UCKL1: variants seen among roughly 807,000 people sequenced by gnomAD.
UCKL1 encodes the protein uridine-cytidine kinase 1 like 1.
Under a neutral mutation model 59.2 loss-of-function variants are expected in UCKL1, and 65 were observed. The observed-to-expected ratio is 1.10, with a 90% CI of 0.90 to 1.35. The LOEUF is 1.35. Among genes scored for constraint, UCKL1 ranks in the 40% most tolerant of loss-of-function variants. The pLI is 0.00. For missense variants in UCKL1, 703 were observed against 784.3 expected (o/e 0.90, Z 1.24); for synonymous variants, 410 against 323.1 (o/e 1.27, Z -2.88).
At chr20:63,948,572 GGAGGGGA>G (rs2056896673) in intron 1 of UCKL1, 3 of 114,018 alleles carry the variant, frequency 2.6e-5, no homozygotes, top group Admixed American at 8.3e-5. Flanking sequence ...TGTGTGAGAG[GGAGGGGA>G]TGTGTGTGAG....
chr20:63,948,652 GA>G (rs2057020039), intron 1 of UCKL1, among the ~76,000 whole-genome samples: 1 of 82,424 alleles, frequency 1.2e-5, no homozygotes. Context: ...GTGTGAGAGG[GA>G]GGGGCGTGTG....
intron 1 of UCKL1, among the ~76,000 whole-genome samples, chr20:63,949,766 T>C (rs2146667323): frequency 6.6e-6 from 1 of 152,258 alleles, no homozygotes; most frequent in East Asian, 1.9e-4. Flanking sequence ...CCCGACACAA[T>C]CTGACTTGCA....
intron 3 of UCKL1, 46 bp from the exon 4 acceptor site, chr20:63,946,021 C>T (rs2056086877): frequency 2.5e-6 from 4 of 1,611,800 alleles, no homozygotes; most frequent in African/African-American, 1.3e-5. Flanking sequence ...GTAGGGCCCT[C>T]ACCCAATGCC....
chr20:63,940,384 C>T lies in UCKL1; in HGVS notation c.1404G>A (p.Val468=), dbSNP rs1302592260. The change falls in exon 13 of 15, where the codon GTG becomes GTA. Residue 468 remains valine (V), a synonymous_variant. Coordinates refer to ENST00000354216, the MANE Select transcript of UCKL1 (RefSeq NM_017859.4). ...TGAAAMMAVR[V]LLDHDVPEDK... is the part of the protein sequence containing the mutation. The stretch of plus-strand genomic sequence containing the variant: ...CTACCCAGGGCTCACTCACCAGGAG[C>T]ACGCGCACTGCCATCATGGCCGCCG... 1.2e-6 allele frequency: 2 copies of T among 1,611,840 alleles called. No homozygotes were observed. The highest frequency in any genetic ancestry group is 1.7e-4 in the Middle Eastern group (1 of 6,058).
In UCKL1 at chr20:63,940,022, G is replaced by C; in HGVS notation, c.1601C>G (p.Ala534Gly). The change falls in exon 15 of 15, where the codon GCG becomes GGG. Residue 534 changes from alanine (A) to glycine (G), a missense_variant. Coordinates refer to ENST00000354216, the MANE Select transcript of UCKL1 (RefSeq NM_017859.4). The stretch of plus-strand genomic sequence containing the variant: ...CTCCTCGTCACTGCCATCGGGGACC[G>C]CGTCTGTCCCAAAGTAGCGGTCGCC... The part of the protein sequence containing the change: ...NFGDRYFGTD[A>G]VPDGSDEEEV... The C allele has an allele frequency of 6.6e-7, 1 of 1,505,786 alleles. No individual in the cohort carries two copies. Among genetic ancestry groups the C allele is most frequent in the Non-Finnish European group, 9.0e-7 (1 of 1,117,296 alleles). 93.3% of individuals were successfully genotyped at this position (1,505,786 alleles called of 1,614,324 possible). A position where few individuals can be genotyped will look rare whatever the true frequency, so the allele number is the denominator to read the frequency against.
chr20:63,951,153 C>T (rs1268546557), intron 1 of UCKL1: 2 of 1,062,856 alleles, frequency 1.9e-6, no homozygotes, highest in Admixed American at 5.3e-5. Flanking sequence ...CTGCCGTCCT[C>T]AGAGGCCAAG....
intron 1 of UCKL1, chr20:63,951,281 C>CACACACAGGAGGGGGCAGTTCA: frequency 2.3e-6 from 2 of 863,242 alleles, no homozygotes; most frequent in Non-Finnish European, 2.8e-6. Context: ...GTGAACTGCC[C>CACACACAGGAGGGGGCAGTTCA]CCTCCTGTGT....
chr20:63,948,995 C>T (rs2057125911), intron 1 of UCKL1, among the ~76,000 whole-genome samples: 1 of 152,092 alleles, frequency 6.6e-6, no homozygotes, highest in African/African-American at 2.4e-5. Flanking sequence ...GGGAGCCCAG[C>T]CCGACACGTG....
rs1406623500 is a variant in UCKL1 at position 63,940,583 on chromosome 20, C to T, written c.1302+11G>A. 1 of 1,606,770 alleles carries T rather than the reference C, an allele frequency of 6.2e-7. No homozygotes were observed. The highest frequency in any genetic ancestry group is 8.5e-7 in the Non-Finnish European group (1 of 1,179,492). ...ACCCCCGGGCTCATCACCCCGGCTG[C>T]CCCCAGGCACCTCGGGCTCCCCGGT... On this transcript the variant is annotated intron_variant, in intron 12 of 14. Coordinates refer to ENST00000354216, the MANE Select transcript of UCKL1 (RefSeq NM_017859.4).
chr20:63,949,276 G>A (rs1002852368), intron 1 of UCKL1, among the ~76,000 whole-genome samples: 2 of 152,160 alleles, frequency 1.3e-5, no homozygotes, highest in African/African-American at 2.4e-5. Flanking sequence ...GCGCCAAGAC[G>A]ACCAGGCGAG....
At chr20:63,946,722 G>A (rs908076036) in intron 1 of UCKL1, 79 bp from the exon 2 acceptor site, 100 of 1,297,864 alleles carry the variant, frequency 7.7e-5, no homozygotes, top group Non-Finnish European at 9.8e-5. Context: ...GGCCCACAGG[G>A]CACCCCCCCC....
intron 1 of UCKL1, among the ~76,000 whole-genome samples, chr20:63,951,813 A>AGGG (rs1239812782): frequency 6.6e-6 from 1 of 152,038 alleles, no homozygotes; most frequent in African/African-American, 2.4e-5. Context: ...CTCCCCGCCC[A>AGGG]CAGAAACAGG....
chr20:63,947,979 C>T (rs758499140), intron 1 of UCKL1, among the ~76,000 whole-genome samples: 22 of 151,864 alleles, frequency 1.4e-4, no homozygotes, highest in South Asian at 4.2e-4. Flanking sequence ...TCAATATGGC[C>T]GAGTGCCCTG....
chr20:63,955,939 C>G (rs2058561362), intron 1 of UCKL1: 1 of 239,504 alleles, frequency 4.2e-6, no homozygotes, highest in Non-Finnish European at 8.3e-6. Flanking sequence ...CTCGCACAGT[C>G]GAGCAGGCAC....
At chr20:63,952,280 T>C (rs1305640606) in intron 1 of UCKL1, among the ~76,000 whole-genome samples, 2 of 152,164 alleles carry the variant, frequency 1.3e-5, no homozygotes, top group Non-Finnish European at 2.9e-5. Context: ...TGGTCTTGCC[T>C]GGCATGGGCA....
rs778144159 is a variant in UCKL1 at position 63,956,365 on chromosome 20, G to A, written c.8C>T (p.Ala3Val). 5.3e-6 allele frequency: 8 copies of A among 1,518,774 alleles called. No homozygotes were observed. The highest frequency in any genetic ancestry group is 2.9e-5 in the African/African-American group (2 of 69,584). 94.1% of individuals were successfully genotyped at this position (1,518,774 alleles called of 1,614,324 possible). MAAPPARADADPS... is the reference protein window; with the variant it reads MAVPPARADADPS... The stretch of plus-strand genomic sequence containing the variant: ...ATCAGCGTCCGCGCGGGCCGGGGGC[G>A]CAGCCATGGCGCTCGGAGGCCTCTT... Residue 3 changes from alanine to valine, a missense_variant, in exon 1 of 15, where the codon GCG becomes GTG. Ala to Val is a moderately conservative substitution (Grantham distance 64, BLOSUM62 0). This residue lies in a region of UCKL1 where 398 missense variants were observed against 373.0 expected (regional missense o/e 1.07). Transcript: ENST00000354216.
chr20:63,940,905 G>C, intron 10 of UCKL1, 45 bp downstream of exon 10: 1 of 1,521,754 alleles, frequency 6.6e-7, no homozygotes, highest in East Asian at 2.3e-5. Flanking sequence ...AGCTCGCACC[G>C]GCTCCAAGAC....
At chr20:63,943,875 G>T (rs1440138643) in intron 7 of UCKL1, among the ~76,000 whole-genome samples, 1 of 152,244 alleles carries the variant, frequency 6.6e-6, no homozygotes, top group African/African-American at 2.4e-5. Flanking sequence ...ATCAGAGCCA[G>T]GACCCTGGGC....
intron 1 of UCKL1, among the ~76,000 whole-genome samples, chr20:63,949,631 G>C (rs2057276971): frequency 6.6e-6 from 1 of 152,244 alleles, no homozygotes; most frequent in Non-Finnish European, 1.5e-5. Flanking sequence ...CCAGCAGACA[G>C]AAACGCTCTG....
Sources: gnomAD v4.1 joint callset for allele counts (sites outside exome capture counted in the v4.1 genomes callset) on GRCh38, gnomAD v4.1.1 for gene constraint, gnomAD v4.1.1 regional missense constraint, MANE v1.5 for transcripts, NCBI Gene and HGNC (gene_info 2026-07-23, HGNC 2026-07-21) for gene names.